Variants in EYS observed in about 807,000 individuals in gnomAD.
The protein encoded by EYS is protein eyes shut homolog.
A neutral mutation model predicts 282.1 loss-of-function variants in EYS; 250 were observed. That is an observed-to-expected ratio of 0.89 (90% CI 0.80 to 0.98). EYS has a LOEUF of 0.98. Ranked by LOEUF, EYS falls within the 50% of genes least tolerant of loss-of-function variation. The pLI, the probability that EYS is intolerant of heterozygous loss-of-function variation, is 0.00. For synonymous variants in EYS, 1,355 were observed against 1,282.9 expected (o/e 1.06, Z -1.20); for missense variants, 4,016 against 3,709.0 (o/e 1.08, Z -2.15).
intron 12 of EYS, among the ~76,000 whole-genome samples, chr6:65,158,310 C>CTA (rs941386935): frequency 6.6e-6 from 1 of 150,822 alleles, no homozygotes; most frequent in African/African-American, 2.4e-5. Flanking sequence ...ATTGCCTGAA[C>CTA]TACACCTCCT....
At chr6:64,304,033 G>C (rs1769342766) in intron 30 of EYS, among the ~76,000 whole-genome samples, 1 of 152,108 alleles carries the variant, frequency 6.6e-6, no homozygotes, top group South Asian at 2.1e-4. Flanking sequence ...CTACTCAGGG[G>C]TTTGGCAATG....
intron 31 of EYS, among the ~76,000 whole-genome samples, chr6:64,082,510 C>T (rs1012251976): frequency 6.6e-6 from 1 of 151,948 alleles, no homozygotes; most frequent in Admixed American, 6.6e-5. Context: ...CTTTGGGTTA[C>T]AAACATCAAG....
intron 22 of EYS, among the ~76,000 whole-genome samples, chr6:64,691,030 TAAA>T (rs1172964501): frequency 6.6e-6 from 1 of 151,922 alleles, no homozygotes; most frequent in Non-Finnish European, 1.5e-5. Context: ...TATATAATAT[TAAA>T]AGAGGAAAAT....
chr6:64,714,524 T>C (rs796999240), intron 22 of EYS, among the ~76,000 whole-genome samples: 95,755 of 133,338 alleles, frequency 0.72, 34,543 homozygotes, highest in Middle Eastern at 0.8. Flanking sequence ...TTCTTTTTTT[T>C]TTTTTTTTTT....
rs1770031850 is a variant in EYS at position 64,684,800 on chromosome 6, A to G, written c.3444-58555T>C. ...ATAAAAATGGAATGTATAAAGATAT[A>G]GTCAATAGAAAAATTAAAATAAGAT... On this transcript the variant is annotated intron_variant, in intron 22 of 42. Transcript: ENST00000503581. Among the ~76,000 whole-genome samples, 2 of 151,984 alleles carry G rather than the reference A, an allele frequency of 1.3e-5. 1 individual carries two copies. Among genetic ancestry groups the G allele is most frequent in the South Asian group, 4.1e-4 (2 of 4,828 alleles).
chr6:65,487,232 G>A (rs1028749439), intron 5 of EYS, among the ~76,000 whole-genome samples: 1 of 152,194 alleles, frequency 6.6e-6, no homozygotes, highest in Admixed American at 6.5e-5. Context: ...TGGTGAGAGA[G>A]GACATCCTTG....
At chr6:64,093,608 T>A (rs1421383528) in intron 31 of EYS, among the ~76,000 whole-genome samples, 1 of 152,206 alleles carries the variant, frequency 6.6e-6, no homozygotes, top group Non-Finnish European at 1.5e-5. Flanking sequence ...TGATTTAGTA[T>A]CCCGAGACTT....
At chr6:63,938,763 C>A (rs951562754) in intron 35 of EYS, among the ~76,000 whole-genome samples, 1 of 152,122 alleles carries the variant, frequency 6.6e-6, no homozygotes, top group Non-Finnish European at 1.5e-5. Flanking sequence ...AAATATTTGG[C>A]AAATGTCACA....
At chr6:64,652,707 C>T (rs537624256) in intron 22 of EYS, among the ~76,000 whole-genome samples, 4 of 152,240 alleles carry the variant, frequency 2.6e-5, no homozygotes, top group African/African-American at 9.6e-5. Context: ...GAAACTAATA[C>T]CATATTCATG....
At chr6:64,627,667 A>G (rs1306318903) in intron 22 of EYS, among the ~76,000 whole-genome samples, 1 of 152,200 alleles carries the variant, frequency 6.6e-6, no homozygotes, top group Non-Finnish European at 1.5e-5. Context: ...TTTTCACTGC[A>G]ACTGGGTCTG....
intron 22 of EYS, among the ~76,000 whole-genome samples, chr6:64,657,366 T>C (rs1413656312): frequency 6.6e-6 from 1 of 152,214 alleles, no homozygotes. Flanking sequence ...TTAGGCTTAA[T>C]ATTGTTACGT....
intron 18 of EYS, among the ~76,000 whole-genome samples, chr6:64,898,681 C>T (rs1009670200): frequency 6.7e-6 from 1 of 149,918 alleles, no homozygotes; most frequent in Non-Finnish European, 1.5e-5. Context: ...GAGTCAAGAA[C>T]CATCAGTGTG....
At chr6:64,694,283 A>G (rs1562139115) in intron 22 of EYS, among the ~76,000 whole-genome samples, 1 of 152,208 alleles carries the variant, frequency 6.6e-6, no homozygotes, top group East Asian at 1.9e-4. Flanking sequence ...TCACAACATA[A>G]AAGTTAAAAA....
At chr6:65,204,862 T>C (rs1765988731) in intron 12 of EYS, among the ~76,000 whole-genome samples, 1 of 149,582 alleles carries the variant, frequency 6.7e-6, no homozygotes, top group African/African-American at 2.5e-5. Context: ...GAAGAACGTA[T>C]TTATATATTC....
chr6:65,274,909 G>GGAGAGAGAGAGA (rs3042964), intron 12 of EYS, among the ~76,000 whole-genome samples: 1 of 148,432 alleles, frequency 6.7e-6, no homozygotes, highest in East Asian at 2.0e-4. Flanking sequence ...CAAAAAAAAA[G>GGAGAGAGAGAGA]GAGAGAGAGA....
At chr6:65,285,508 A>G (rs13201014) in intron 12 of EYS, among the ~76,000 whole-genome samples, 29,755 of 151,868 alleles carry the variant, frequency 0.2, 3,513 homozygotes, top group Middle Eastern at 0.27. Flanking sequence ...TATAGATTAG[A>G]AATCTTTTAA....
At chr6:65,563,615 C>T (rs1411310911) in intron 2 of EYS, among the ~76,000 whole-genome samples, 2 of 151,856 alleles carry the variant, frequency 1.3e-5, no homozygotes, top group African/African-American at 2.4e-5. Context: ...CAATTGACAA[C>T]CATTATGACA....
At chr6:65,666,511 T>C (rs1014416723) in intron 1 of EYS, among the ~76,000 whole-genome samples, 5 of 151,892 alleles carry the variant, frequency 3.3e-5, no homozygotes, top group Non-Finnish European at 7.4e-5. Flanking sequence ...AATTAAATGT[T>C]AGCATAACTA....
intron 36 of EYS, among the ~76,000 whole-genome samples, chr6:63,830,833 A>T (rs1221043102): frequency 1.2e-4 from 19 of 152,256 alleles, no homozygotes; most frequent in Admixed American, 1.2e-3. Context: ...CAGGTTACCC[A>T]CAAAGGGAAG....
Sources: allele counts gnomAD v4.1 joint callset (sites outside exome capture counted in the v4.1 genomes callset), GRCh38; gene constraint gnomAD v4.1.1; transcripts MANE v1.5; gene names NCBI Gene and HGNC (gene_info 2026-07-23, HGNC 2026-07-21).